The following AKR1C4 variants were observed in gnomAD, a reference collection of about 807,000 sequenced individuals.
AKR1C4 encodes aldo-keto reductase family 1 member C4, also known as 3-alpha-HSD1.
Under a neutral mutation model 41.0 loss-of-function variants are expected in AKR1C4, and 44 were observed. The ratio of observed to expected loss-of-function variants is 1.07; its 90% confidence interval spans 0.84 to 1.38. The LOEUF is 1.38. Ranked by LOEUF, AKR1C4 falls within the 40% of genes most tolerant of loss-of-function variation. The pLI is 0.00. For synonymous variants in AKR1C4, 165 were observed against 137.7 expected, an observed-to-expected ratio of 1.20 and a Z score of -1.39; for missense variants, 438 against 387.9, an observed-to-expected ratio of 1.13 and a Z score of -1.09.
Position 5,208,507 on chromosome 10 carries a change from G to T in AKR1C4, c.570+2110G>T, listed in dbSNP as rs528673356. On this transcript the variant is annotated intron_variant, in intron 5 of 8. Coordinates refer to ENST00000263126, the MANE Select transcript of AKR1C4 (RefSeq NM_001818.5). ...TGTTGACACTTTGCCAACCTGGCAA[G>T]TATATAGGCATATATGAGTATATCT... 1.9e-4 allele frequency among the ~76,000 whole-genome samples: 29 copies of T among 151,668 alleles called. 1 individual carries two copies. The highest frequency in any genetic ancestry group is 7.1e-4 in the African/African-American group (29 of 40,984).
chr10:5,202,937 TTTTGTGTG>T (rs1832422705), intron 2 of AKR1C4, among the ~76,000 whole-genome samples: 1 of 69,236 alleles, frequency 1.4e-5, no homozygotes, highest in African/African-American at 5.5e-5. Flanking sequence ...TATAGTTTTC[TTTTGTGTG>T]TGTGTGTGTG....
chr10:5,214,279 CCT>C (rs1259850438), intron 7 of AKR1C4, among the ~76,000 whole-genome samples: 1 of 152,068 alleles, frequency 6.6e-6, no homozygotes, highest in Non-Finnish European at 1.5e-5. Context: ...TGACATTTCC[CCT>C]CTTTCAGAGT....
chr10:5,204,621 C>A (rs11253042), intron 3 of AKR1C4, 128 bp downstream of exon 3: 345,368 of 805,418 alleles, frequency 0.43, 79,920 homozygotes, highest in Non-Finnish European at 0.49. Context: ...AAGTATAATG[C>A]CTAAGCCATT....
chr10:5,197,010 G>T, intron 1 of AKR1C4, 59 bp downstream of exon 1: 1 of 1,535,774 alleles, frequency 6.5e-7, no homozygotes, highest in South Asian at 1.1e-5. Flanking sequence ...ATAAGTGAAC[G>T]ATGACCTGGG....
chr10:5,213,250 C>G (rs1328624492), intron 7 of AKR1C4, 91 bp downstream of exon 7: 3 of 1,543,180 alleles, frequency 1.9e-6, no homozygotes, highest in Non-Finnish European at 2.6e-6. Context: ...TGGACTAAGT[C>G]CACTTCCTGG....
At chr10:5,203,263 A>G (rs1040600322) in intron 2 of AKR1C4, among the ~76,000 whole-genome samples, 4 of 152,016 alleles carry the variant, frequency 2.6e-5, no homozygotes, top group African/African-American at 7.3e-5. Flanking sequence ...GATAATATTA[A>G]TATCATGAAA....
chr10:5,216,288 C>A (rs574603949), intron 7 of AKR1C4, among the ~76,000 whole-genome samples: 1 of 152,354 alleles, frequency 6.6e-6, no homozygotes, highest in Admixed American at 6.5e-5. Context: ...ACACCTCCCA[C>A]CAGGACCCAC....
intron 5 of AKR1C4, 43 bp downstream of exon 5, chr10:5,206,440 A>G (rs563286752): frequency 2.5e-6 from 4 of 1,613,144 alleles, no homozygotes; most frequent in East Asian, 2.2e-5. Flanking sequence ...CTCAATGTCC[A>G]TCTTCCTGTC....
chr10:5,205,937 A>C, intron 4 of AKR1C4, 103 bp downstream of exon 4: 1 of 1,226,884 alleles, frequency 8.2e-7, no homozygotes, highest in Non-Finnish European at 1.1e-6. Context: ...TTGGAACTAG[A>C]AATTAAGGAG....
intron 3 of AKR1C4, 96 bp downstream of exon 3, chr10:5,204,589 T>C (rs782783703): frequency 1.4e-5 from 14 of 974,730 alleles, no homozygotes; most frequent in Non-Finnish European, 2.2e-5. Flanking sequence ...GTGTAGGTGT[T>C]ATTACATGGC....
chr10:5,218,422 G>A (rs1186530271), intron 8 of AKR1C4, among the ~76,000 whole-genome samples: 3 of 151,998 alleles, frequency 2.0e-5, no homozygotes, highest in African/African-American at 7.3e-5. Flanking sequence ...AATAGAAAAT[G>A]TCAGAATATC....
intron 8 of AKR1C4, among the ~76,000 whole-genome samples, chr10:5,217,437 T>TA (rs1832672314): frequency 6.6e-6 from 1 of 152,216 alleles, no homozygotes; most frequent in African/African-American, 2.4e-5. Flanking sequence ...ATGCAGAGTA[T>TA]AAAGAAGCTT....
At chr10:5,216,985 T>C (rs1832666218) in intron 8 of AKR1C4, among the ~76,000 whole-genome samples, 192 bp downstream of exon 8, 1 of 152,178 alleles carries the variant, frequency 6.6e-6, no homozygotes, top group Non-Finnish European at 1.5e-5. Context: ...GGACCCAGGG[T>C]CAGCATCGGT....
At chr10:5,211,112 C>T (rs577090025) in intron 5 of AKR1C4, among the ~76,000 whole-genome samples, 93 of 152,290 alleles carry the variant, frequency 6.1e-4, no homozygotes, top group Non-Finnish European at 1.1e-3. Flanking sequence ...CCCATGAAAC[C>T]ATTTTTTCCT....
chr10:5,216,888 G>T, intron 8 of AKR1C4, 95 bp downstream of exon 8: 2 of 791,542 alleles, frequency 2.5e-6, no homozygotes, highest in Non-Finnish European at 4.2e-6. Context: ...GGAGACAGAG[G>T]CCAGTGCAAG....
intron 2 of AKR1C4, among the ~76,000 whole-genome samples, chr10:5,200,699 G>A (rs868932655): frequency 6.6e-6 from 1 of 152,144 alleles, no homozygotes; most frequent in African/African-American, 2.4e-5. Flanking sequence ...TTTAAGTGAA[G>A]CTGTCAGGCG....
chr10:5,204,333 G>A (rs963600454), intron 2 of AKR1C4, 44 bp from the exon 3 acceptor site: 51 of 1,405,784 alleles, frequency 3.6e-5, no homozygotes, highest in Non-Finnish European at 4.7e-5. Flanking sequence ...AATAAAACTA[G>A]CTCATGTTTT....
In AKR1C4 at chr10:5,206,255, C is replaced by A; in HGVS notation, c.448-20C>A. On this transcript the variant is annotated intron_variant, in intron 4 of 8. Transcript: ENST00000263126. ...GCAGCCAACTGCACAAATAATTCCT[C>A]ACAACCCCTTTCTCCCCAGGTCATG... 6.2e-7 allele frequency: 1 copy of A among 1,613,896 alleles called. No homozygotes were observed. Among genetic ancestry groups the A allele is most frequent in the South Asian group, 1.1e-5 (1 of 91,058 alleles).
chr10:5,207,408 A>C, intron 5 of AKR1C4: 1 of 316,598 alleles, frequency 3.2e-6, no homozygotes, highest in Non-Finnish European at 6.4e-6. Flanking sequence ...AGAAGAAATG[A>C]GGAACACTGT....
Sources: allele counts gnomAD v4.1 joint callset (sites outside exome capture counted in the v4.1 genomes callset), GRCh38; gene constraint gnomAD v4.1.1; transcripts MANE v1.5; gene names NCBI Gene and HGNC (gene_info 2026-07-23, HGNC 2026-07-21).